Variants in KDM1B observed in about 807,000 individuals in gnomAD.
KDM1B encodes the protein lysine-specific histone demethylase 2.
KDM1B carries 63 observed loss-of-function variants against 107.4 expected under a neutral mutation model. That is an observed-to-expected ratio of 0.59 (90% CI 0.48 to 0.72). The LOEUF (loss-of-function observed/expected upper bound fraction) is 0.72. KDM1B is among the 30% of genes least tolerant of loss of function. The pLI is 0.00. For synonymous variants in KDM1B, 363 were observed against 363.9 expected (o/e 1.00, Z 0.03); for missense variants, 749 against 1,020.8 (o/e 0.73, Z 3.63).
rs1785012740 is a variant in KDM1B, at chr6:18,162,101, A to C, written c.215+647A>C. 6.6e-6 allele frequency among the ~76,000 whole-genome samples: 1 copy of C among 152,132 alleles called. No homozygotes were observed. Among genetic ancestry groups the C allele is most frequent in the Non-Finnish European group, 1.5e-5 (1 of 68,018 alleles). On this transcript the variant is annotated intron_variant, in intron 4 of 21. Coordinates refer to ENST00000650836, the MANE Select transcript of KDM1B (RefSeq NM_001364614.2). The surrounding 1 kb of genome is among the most constrained non-coding windows in gnomAD (Gnocchi z 4.1). ...TTTGAGAGACCAAGATGGGCGGATC[A>C]GTTGAGGTCAGGAGTTCCAGACCAG...
chr6:18,189,701 TA>T (rs1312747812), intron 9 of KDM1B, among the ~76,000 whole-genome samples: 3 of 152,136 alleles, frequency 2.0e-5, no homozygotes, highest in Non-Finnish European at 4.4e-5. Context: ...TGAAGGCAAA[TA>T]TCTATTATGT....
intron 9 of KDM1B, among the ~76,000 whole-genome samples, chr6:18,188,891 C>A (rs778340056): frequency 6.6e-6 from 1 of 151,820 alleles, no homozygotes; most frequent in East Asian, 1.9e-4. Flanking sequence ...TCAAGCGATT[C>A]TCCTGCCTCA....
chr6:18,185,018 C>G (rs1786761138), intron 7 of KDM1B, among the ~76,000 whole-genome samples: 1 of 152,090 alleles, frequency 6.6e-6, no homozygotes, highest in Admixed American at 6.5e-5. Flanking sequence ...GCATGAGCCA[C>G]TGAGCCTGGC....
chr6:18,178,449 A>G (rs1786192963), intron 7 of KDM1B, among the ~76,000 whole-genome samples: 1 of 147,826 alleles, frequency 6.8e-6, no homozygotes, highest in East Asian at 2.0e-4. Context: ...CTGAAGTGCA[A>G]TGGCACGATC....
At chr6:18,216,847 T>C (rs1234006537) in intron 20 of KDM1B, among the ~76,000 whole-genome samples, 2 of 152,204 alleles carry the variant, frequency 1.3e-5, no homozygotes, top group South Asian at 2.1e-4. Context: ...TGAAACTTTA[T>C]CATAGGTATG....
At position 18,221,940 on chromosome 6, in the gene KDM1B, CA is replaced by C. The variant is rs1176972765; in HGVS notation, c.2418del (p.Ala808HisfsTer3). On this transcript the variant is annotated frameshift_variant, in exon 22 of 22. Transcript: ENST00000650836. LOFTEE classifies it high-confidence loss of function. ...ATNRHFPQTV[T>X]GAYLSGVREA... is the part of the protein sequence containing the mutation. ...AACAGGCATTTCCCACAAACTGTTACAGGGGCATATTTGAGTGGCGTTCGAG... is the reference window on the plus strand; with the variant it reads ...AACAGGCATTTCCCACAAACTGTTACGGGGCATATTTGAGTGGCGTTCGAG... 6.2e-7 allele frequency: 1 copy of C among 1,612,678 alleles called. No homozygotes were observed. Among genetic ancestry groups the C allele is most frequent in the African/African-American group, 1.3e-5 (1 of 74,878 alleles).
intron 16 of KDM1B, 27 bp from the exon 17 acceptor site, chr6:18,208,104 CT>C: frequency 2.5e-6 from 4 of 1,580,014 alleles, no homozygotes; most frequent in Non-Finnish European, 2.6e-6. Context: ...CCATCCCTCA[CT>C]TTTTTTCATA....
In KDM1B at chr6:18,214,603, T is replaced by C. The variant is rs1789082056; in HGVS notation, c.2110-404T>C. 6.6e-6 allele frequency among the ~76,000 whole-genome samples: 1 copy of C among 152,074 alleles called. No homozygotes were observed. The highest frequency in any genetic ancestry group is 1.5e-5 in the Non-Finnish European group (1 of 68,008). On this transcript the variant is annotated intron_variant, in intron 19 of 21. Transcript: ENST00000650836. The surrounding 1 kb of genome is among the most constrained non-coding windows in gnomAD (Gnocchi z 4.4). ...TAAGGGACAGCCAGAAATAGTGACA[T>C]TTAACTTGTGAGAGTGAGGCTCTTG...
chr6:18,187,016 C>T (rs981164884), intron 8 of KDM1B, among the ~76,000 whole-genome samples: 1 of 137,800 alleles, frequency 7.3e-6, no homozygotes, highest in African/African-American at 3.1e-5. Context: ...TTTCCAGGCT[C>T]CAGAATAGAC....
chr6:18,205,433 A>T lies in KDM1B; in HGVS notation c.1532-104A>T, dbSNP rs962287760. The stretch of plus-strand genomic sequence containing the variant: ...GACTTTACTTGGGAAAAGACTTTGG[A>T]AGTTTTGGGTGTTGCTGGGTGACAG... On this transcript the variant is annotated intron_variant, in intron 14 of 21. Transcript: ENST00000650836. This position sits in a 1 kb window ranked among gnomAD's most constrained non-coding sequence, Gnocchi z 5.7. The T allele has an allele frequency of 1.9e-5, 20 of 1,078,306 alleles. No individual in the cohort carries two copies. The highest frequency in any genetic ancestry group is 2.5e-5 in the Non-Finnish European group (19 of 770,172). The allele number at this position is 1,078,306 out of a possible 1,614,324, so 66.8% of individuals were successfully genotyped here.
Position 18,171,470 on chromosome 6 carries a change from T to C in KDM1B, c.525T>C (p.Thr175=). Residue 175 remains threonine (T), a synonymous_variant, in exon 7 of 22, where the codon ACT becomes ACC. Coordinates refer to ENST00000650836, the MANE Select transcript of KDM1B (RefSeq NM_001364614.2). ...KTYRCGMKPN[T]AIKPETSDHC... ...ATCGATGCGGTATGAAACCAAATAC[T>C]GCTATTAAGGTATGTTCTCTTTTTG... The C allele has an allele frequency of 6.4e-7, 1 of 1,559,382 alleles. No individual in the cohort carries two copies. Among genetic ancestry groups the C allele is most frequent in the Non-Finnish European group, 8.8e-7 (1 of 1,130,030 alleles).
At chr6:18,163,609 T>G (rs1276715127) in intron 5 of KDM1B, among the ~76,000 whole-genome samples, 1 of 152,240 alleles carries the variant, frequency 6.6e-6, no homozygotes, top group Non-Finnish European at 1.5e-5. Context: ...ATTTCACAAA[T>G]TTTGACAACT....
rs1359541331 is a variant in KDM1B, at chr6:18,201,541, G to T, written c.1415G>T (p.Gly472Val). Reference sequence around the variant, plus strand: ...AGATGTGACTTAATTCAGGAAGGTGGAAGAATAACTGACCCCACTATTGAC... The same window carrying T: ...AGATGTGACTTAATTCAGGAAGGTGTAAGAATAACTGACCCCACTATTGAC... Reference protein sequence around the residue: ...GERCDLIQEGGRITDPTIDKR... With the variant: ...GERCDLIQEGVRITDPTIDKR... The change falls in exon 14 of 22, where the codon GGA becomes GTA. Residue 472 changes from glycine (G) to valine (V), a missense_variant. By Grantham distance (109) the Gly-to-Val change is moderately radical. Coordinates refer to ENST00000650836, the MANE Select transcript of KDM1B (RefSeq NM_001364614.2). The surrounding 1 kb of genome is among the most constrained non-coding windows in gnomAD (Gnocchi z 4.3). 1.3e-6 allele frequency: 2 copies of T among 1,550,338 alleles called. No individual in the cohort carries two copies. The highest frequency in any genetic ancestry group is 8.7e-7 in the Non-Finnish European group (1 of 1,146,804).
At position 18,200,305 on chromosome 6, in the gene KDM1B, G is replaced by A. The variant is rs1359265567; in HGVS notation, c.1222-134G>A. The A allele has an allele frequency of 2.2e-6, 2 of 926,136 alleles. No individual in the cohort carries two copies. The highest frequency in any genetic ancestry group is 3.2e-6 in the Non-Finnish European group (2 of 623,756). 57.4% of individuals were successfully genotyped at this position (926,136 alleles called of 1,614,324 possible). On this transcript the variant is annotated intron_variant, in intron 12 of 21. Transcript: ENST00000650836. This position sits in a 1 kb window ranked among gnomAD's most constrained non-coding sequence, Gnocchi z 4.3. ...CTCTTCACACTGCCTGCTTTTTAAA[G>A]TTGTTTTTTTAGAAATATTTGGAAT...
At position 18,212,111 on chromosome 6, in the gene KDM1B, A is replaced by G. The variant is rs1002044977; in HGVS notation, c.1867-377A>G. ...CAGGCACCTGCCACCACACCTGGCT[A>G]ATTTTTGTATTTTTGTAGAGACAGG... On this transcript the variant is annotated intron_variant, in intron 17 of 21. Coordinates refer to ENST00000650836, the MANE Select transcript of KDM1B (RefSeq NM_001364614.2). The surrounding 1 kb of genome is among the most constrained non-coding windows in gnomAD (Gnocchi z 5.2). 5.2e-6 allele frequency: 1 copy of G among 191,508 alleles called. No individual in the cohort carries two copies. The highest frequency in any genetic ancestry group is 2.3e-3 in the Middle Eastern group (1 of 434). The allele number at this position is 191,508 out of a possible 1,614,324, so 11.9% of individuals were successfully genotyped here.
intron 12 of KDM1B, among the ~76,000 whole-genome samples, chr6:18,198,647 A>C (rs935104692): frequency 4.9e-5 from 7 of 143,788 alleles, no homozygotes; most frequent in African/African-American, 2.0e-4. Context: ...CAAAAAAAAA[A>C]AAAAAAAAAA....
At chr6:18,171,579 C>G in intron 7 of KDM1B, 100 bp downstream of exon 7, 1 of 737,496 alleles carries the variant, frequency 1.4e-6, no homozygotes, top group Non-Finnish European at 2.4e-6. Context: ...ATCATTCTGT[C>G]AAGGTTGTAT....
chr6:18,187,623 C>T (rs1786959939), intron 8 of KDM1B, among the ~76,000 whole-genome samples, 169 bp from the exon 9 acceptor site: 1 of 152,102 alleles, frequency 6.6e-6, no homozygotes, highest in African/African-American at 2.4e-5. Flanking sequence ...ATTTTTGTTT[C>T]TACATCTGTG....
rs549245693 is a variant in KDM1B, at chr6:18,214,571, G to A, written c.2110-436G>A. 6.6e-6 allele frequency among the ~76,000 whole-genome samples: 1 copy of A among 152,204 alleles called. No homozygotes were observed. ...CGAGGAAAATGGACTGGCGAGTGACGTGCGGATAAGGGACAGCCAGAAATA... is the reference window on the plus strand; with the variant it reads ...CGAGGAAAATGGACTGGCGAGTGACATGCGGATAAGGGACAGCCAGAAATA... On this transcript the variant is annotated intron_variant, in intron 19 of 21. Coordinates refer to ENST00000650836, the MANE Select transcript of KDM1B (RefSeq NM_001364614.2). The surrounding 1 kb of genome is among the most constrained non-coding windows in gnomAD (Gnocchi z 4.4).
Sources: allele counts gnomAD v4.1 joint callset (sites outside exome capture counted in the v4.1 genomes callset), GRCh38; gene constraint gnomAD v4.1.1; non-coding constraint Gnocchi (gnomAD v3.1); transcripts MANE v1.5; gene names NCBI Gene and HGNC (gene_info 2026-07-23, HGNC 2026-07-21).